Variants in PPP2R2D observed in about 807,000 individuals in gnomAD.
PPP2R2D encodes serine/threonine-protein phosphatase 2A 55 kDa regulatory subunit B delta isoform.
Under a neutral mutation model 31.1 loss-of-function variants are expected in PPP2R2D, and 9 were observed. That is an observed-to-expected ratio of 0.29 (90% CI 0.17 to 0.51). The LOEUF (loss-of-function observed/expected upper bound fraction) is 0.51, where lower values mean the gene tolerates loss of function less well. PPP2R2D is among the 20% of genes least tolerant of loss of function. The pLI, the probability that PPP2R2D is intolerant of heterozygous loss-of-function variation, is 0.98. For synonymous variants in PPP2R2D, 179 were observed against 172.6 expected (o/e 1.04, Z -0.29); for missense variants, 391 against 465.6 (o/e 0.84, Z 1.48).
chr10:131,924,695 CAA>C (rs34819032), intron 2 of PPP2R2D, among the ~76,000 whole-genome samples: 8 of 113,156 alleles, frequency 7.1e-5, no homozygotes, highest in Non-Finnish European at 9.5e-5. Context: ...GCAATTTTTG[CAA>C]AAAAAAAAAA....
At position 131,922,205 on chromosome 10, in the gene PPP2R2D, G is replaced by A. The variant is rs376944393; in HGVS notation, c.101-12253G>A. On this transcript the variant is annotated intron_variant, in intron 2 of 8. Coordinates refer to ENST00000455566, the MANE Select transcript of PPP2R2D (RefSeq NM_018461.5). ...AGTAAAACACAATAAAAGATTGACC[G>A]TTTCTCTCTCATGTCATTTACGTAT... is the stretch of plus-strand genomic sequence containing the variant. 9.2e-4 allele frequency among the ~76,000 whole-genome samples: 140 copies of A among 152,238 alleles called. 2 individuals carry two copies. In the South Asian group the frequency reaches 0.028, roughly 30 times the overall value.
At chr10:131,955,132 A>G (rs1013007974) in intron 8 of PPP2R2D, among the ~76,000 whole-genome samples, 2 of 152,224 alleles carry the variant, frequency 1.3e-5, no homozygotes, top group African/African-American at 2.4e-5. Context: ...ACGGTATTGT[A>G]TTGTCTGGAA....
chr10:131,913,994 A>G (rs1428727326), intron 2 of PPP2R2D, among the ~76,000 whole-genome samples: 1 of 152,164 alleles, frequency 6.6e-6, no homozygotes, highest in Non-Finnish European at 1.5e-5. Context: ...AACACCTACC[A>G]CTGCACCGGC....
At chr10:131,930,442 G>C (rs2036200914) in intron 2 of PPP2R2D, among the ~76,000 whole-genome samples, 1 of 152,208 alleles carries the variant, frequency 6.6e-6, no homozygotes, top group Non-Finnish European at 1.5e-5. Flanking sequence ...TTGCCAAATT[G>C]CCTCTCGCAG....
rs1419095771 is a variant in PPP2R2D at position 131,959,332 on chromosome 10, G to A, written c.*3369G>A. The stretch of plus-strand genomic sequence containing the variant: ...TGATCCGCCATCCCCCTGTGGAGAT[G>A]AAGGCGTGTGCTCATCCCCCATCCC... On this transcript the variant is annotated 3_prime_UTR_variant, in exon 9 of 9. Transcript: ENST00000455566. 1 of 153,132 alleles carries A rather than the reference G, an allele frequency of 6.5e-6. No individual in the cohort carries two copies. Among genetic ancestry groups the A allele is most frequent in the Non-Finnish European group, 1.4e-5 (1 of 72,742 alleles). 9.5% of individuals were successfully genotyped at this position (153,132 alleles called of 1,614,324 possible).
chr10:131,936,156 T>C (rs1261660226), intron 3 of PPP2R2D, among the ~76,000 whole-genome samples: 2 of 152,138 alleles, frequency 1.3e-5, no homozygotes, highest in Non-Finnish European at 2.9e-5. Context: ...GGAGGAGTTT[T>C]TGTTTTTTTG....
At chr10:131,904,801 T>C (rs2035556520) in intron 2 of PPP2R2D, among the ~76,000 whole-genome samples, 2 of 152,134 alleles carry the variant, frequency 1.3e-5, no homozygotes, top group Admixed American at 1.3e-4. Flanking sequence ...GCACAGGAAG[T>C]GGTGCAGGGC....
chr10:131,903,749 T>A (rs2119696177), intron 2 of PPP2R2D, among the ~76,000 whole-genome samples: 1 of 152,332 alleles, frequency 6.6e-6, no homozygotes, highest in East Asian at 1.9e-4. Flanking sequence ...TCACCATCGA[T>A]TTGTCCCATA....
intron 8 of PPP2R2D, among the ~76,000 whole-genome samples, chr10:131,951,672 T>C (rs1463834650): frequency 3.9e-5 from 6 of 152,070 alleles, no homozygotes; most frequent in African/African-American, 1.2e-4. Flanking sequence ...AATACAAAAA[T>C]TAGCCGGACA....
At chr10:131,962,516 T>C (rs2036938820), downstream of PPP2R2D, among the ~76,000 whole-genome samples, 1 of 152,252 alleles carries the variant, frequency 6.6e-6, no homozygotes, top group South Asian at 2.1e-4. Flanking sequence ...TCCCATTGTC[T>C]TAGGCTCTGT....
the PPP2R2D span, chr10:131,970,246 GA>G: frequency 1.3e-3 from 279 of 213,114 alleles, no homozygotes; most frequent in Non-Finnish European, 2.1e-3. This position sits in a 1 kb window ranked among gnomAD's most constrained non-coding sequence, Gnocchi z 4.1. Context: ...CTGTCTGGAG[GA>G]AGTACAGCAG....
rs1554899881 is a variant in PPP2R2D at position 131,955,942 on chromosome 10, A to G, written c.1341A>G (p.Ile447Met). The change falls in exon 9 of 9, where the codon ATA becomes ATG. Residue 447 changes from isoleucine to methionine, a missense_variant. Around this residue, in one of 3 missense-constraint regions of PPP2R2D, gnomAD observed 163 missense variants for 179.5 expected, o/e 0.91. Coordinates refer to ENST00000455566, the MANE Select transcript of PPP2R2D (RefSeq NM_018461.5). ...IAVAATNNLY[I>M]FQDKIN ...TGGCTGCCACCAATAACTTGTACATATTCCAGGACAAAATCAACTAGAGAC... is the reference window on the plus strand; with the variant it reads ...TGGCTGCCACCAATAACTTGTACATGTTCCAGGACAAAATCAACTAGAGAC... 3 of 1,551,276 alleles carry G rather than the reference A, an allele frequency of 1.9e-6. No homozygotes were observed. The highest frequency in any genetic ancestry group is 2.4e-5 in the South Asian group (2 of 82,210).
chr10:131,939,162 GGC>G (rs1554896841), intron 3 of PPP2R2D, among the ~76,000 whole-genome samples: 11,527 of 84,214 alleles, frequency 0.14, 1,094 homozygotes, highest in East Asian at 0.24. Context: ...GGCTGCATTC[GGC>G]AGACCTGCTC....
the PPP2R2D span, among the ~76,000 whole-genome samples, chr10:131,965,399 G>A: frequency 6.6e-6 from 1 of 152,196 alleles, no homozygotes; most frequent in African/African-American, 2.4e-5. Context: ...CCAGTCCAGA[G>A]CTGAAGGGGC....
At chr10:131,913,424 T>A (rs2035716402) in intron 2 of PPP2R2D, among the ~76,000 whole-genome samples, 1 of 152,036 alleles carries the variant, frequency 6.6e-6, no homozygotes, top group Non-Finnish European at 1.5e-5. Flanking sequence ...CATTCCACAC[T>A]CTCCTCTCCG....
rs1208221312 is a variant in PPP2R2D, at chr10:131,957,013, G to A, written c.*1050G>A. ...AATTACACGATGCCACCAGTACGTT[G>A]GTTTATTTTCAAAGTAGGATCTTTG... On this transcript the variant is annotated 3_prime_UTR_variant, in exon 9 of 9. Coordinates refer to ENST00000455566, the MANE Select transcript of PPP2R2D (RefSeq NM_018461.5). The A allele has an allele frequency of 6.6e-6, 1 of 152,254 alleles. No homozygotes were observed. Among genetic ancestry groups the A allele is most frequent in the African/African-American group, 2.4e-5 (1 of 41,450 alleles). The allele number at this position is 152,254 out of a possible 1,614,324, so 9.4% of individuals were successfully genotyped here. A position where few individuals can be genotyped will look rare whatever the true frequency, so the allele number is the denominator to read the frequency against.
At chr10:131,965,085 T>C in the PPP2R2D span, among the ~76,000 whole-genome samples, 2 of 152,216 alleles carry the variant, frequency 1.3e-5, no homozygotes, top group East Asian at 1.9e-4. Flanking sequence ...TGTCCTCCCA[T>C]TTGCAGTTTG....
chr10:131,970,361 C>G, the PPP2R2D span: 1 of 506,624 alleles, frequency 2.0e-6, no homozygotes, highest in Non-Finnish European at 3.5e-6. This position sits in a 1 kb window ranked among gnomAD's most constrained non-coding sequence, Gnocchi z 4.1. Flanking sequence ...AGAGGTCAGA[C>G]CTAAGAAGCC....
In PPP2R2D at chr10:131,918,305, G is replaced by T. The variant is rs569734396; in HGVS notation, c.101-16153G>T. Among the ~76,000 whole-genome samples the T allele has an allele frequency of 9.4e-4, 141 of 150,006 alleles. 1 individual carries two copies. The highest frequency in any genetic ancestry group is 3.0e-3 in the Admixed American group (46 of 15,132). ...GGCGGGTGGAATGACACGGTGTAGG[G>T]ATCTCACGTGGGTGGAATGACACAG... On this transcript the variant is annotated intron_variant, in intron 2 of 8. Transcript: ENST00000455566.
Sources: allele counts gnomAD v4.1 joint callset (sites outside exome capture counted in the v4.1 genomes callset), GRCh38; gene constraint gnomAD v4.1.1; regional missense constraint gnomAD v4.1.1; non-coding constraint Gnocchi (gnomAD v3.1); transcripts MANE v1.5; gene names NCBI Gene and HGNC (gene_info 2026-07-23, HGNC 2026-07-21).